Variants in MMRN1 observed in about 807,000 individuals in gnomAD.
MMRN1 encodes multimerin-1.
A neutral mutation model predicts 100.7 loss-of-function variants in MMRN1; 94 were observed. That is an observed-to-expected ratio of 0.93 (90% confidence interval 0.79 to 1.11). The LOEUF is 1.11. Ranked by LOEUF, MMRN1 falls within the 50% of genes least tolerant of loss-of-function variation. The pLI is 0.00. For missense variants in MMRN1, 1,606 were observed against 1,439.1 expected (o/e 1.12, Z -1.88); for synonymous variants, 575 against 505.0 (o/e 1.14, Z -1.86).
At chr4:89,901,281 A>G (rs937893028) in intron 1 of MMRN1, among the ~76,000 whole-genome samples, 1 of 152,046 alleles carries the variant, frequency 6.6e-6, no homozygotes, top group Admixed American at 6.6e-5. Context: ...TTAACATGTT[A>G]ATGAGAAGGG....
At chr4:89,948,299 G>A (rs929053756) in intron 6 of MMRN1, among the ~76,000 whole-genome samples, 3 of 151,828 alleles carry the variant, frequency 2.0e-5, no homozygotes, top group African/African-American at 2.4e-5. Context: ...TATTTTTATC[G>A]ATAACTTGGA....
upstream of MMRN1, chr4:89,894,732 G>GGA (rs750929332): frequency 0.029 from 12,395 of 434,862 alleles, 264 homozygotes; most frequent in Non-Finnish European, 0.038. Context: ...AGCTTTGTCA[G>GGA]AGACCCTTCA....
chr4:89,894,964 C>T lies in MMRN1; in HGVS notation c.-8C>T. ...TTCACATGAGCTACCTTGCTTCAAA[C>T]TACTGAGATGAAGGGGGCAAGATTA... On this transcript the variant is annotated 5_prime_UTR_variant, in exon 1 of 8. Coordinates refer to ENST00000264790, the MANE Select transcript of MMRN1 (RefSeq NM_007351.3). 1 of 1,600,304 alleles carries T rather than the reference C, an allele frequency of 6.2e-7. No individual in the cohort carries two copies. Among genetic ancestry groups the T allele is most frequent in the Middle Eastern group, 1.7e-4 (1 of 5,962 alleles).
intron 1 of MMRN1, among the ~76,000 whole-genome samples, chr4:89,899,690 C>T (rs1721321012): frequency 6.6e-6 from 1 of 152,036 alleles, no homozygotes; most frequent in South Asian, 2.1e-4. Context: ...TTAATTTTTA[C>T]CAAATCAGTG....
chr4:89,952,065 T>G (rs1241133395), intron 7 of MMRN1, among the ~76,000 whole-genome samples: 1 of 152,170 alleles, frequency 6.6e-6, no homozygotes, highest in Non-Finnish European at 1.5e-5. Flanking sequence ...TGTATATATC[T>G]GACTGATAGA....
chr4:89,894,841 C>T (rs1017049596), upstream of MMRN1: 2 of 1,431,368 alleles, frequency 1.4e-6, no homozygotes, highest in African/African-American at 1.4e-5. Context: ...ACACAGAAAC[C>T]TGTTTCCTCT....
Position 89,895,103 on chromosome 4 carries a change from T to A in MMRN1, c.132T>A (p.Val44=). 1 of 1,613,788 alleles carries A rather than the reference T, an allele frequency of 6.2e-7. No individual in the cohort carries two copies. The highest frequency in any genetic ancestry group is 8.5e-7 in the Non-Finnish European group (1 of 1,179,882). ...AGAAGACTATGCCTTCTGCTTCAGT[T>A]CCTCCAAATAAAATACAAAGTTTGC... is the stretch of plus-strand genomic sequence containing the variant. ...NSQKTMPSAS[V]PPNKIQSLQI... is the part of the protein sequence containing the mutation. The change falls in exon 1 of 8, where the codon GTT becomes GTA. Residue 44 remains valine (V), a synonymous_variant. Transcript: ENST00000264790.
At chr4:89,881,121 A>G (rs1052904196) in intron 1 of MMRN1, among the ~76,000 whole-genome samples, 1 of 152,058 alleles carries the variant, frequency 6.6e-6, no homozygotes, top group African/African-American at 2.4e-5. Context: ...TTCAGTGACT[A>G]ATTTCTTTAA....
intron 1 of MMRN1, among the ~76,000 whole-genome samples, chr4:89,887,956 T>C (rs753330158): frequency 1.3e-5 from 2 of 151,962 alleles, no homozygotes; most frequent in Admixed American, 6.6e-5. Context: ...TCTTCTTTAT[T>C]TCCTCCAATT....
chr4:89,901,139 A>G (rs1485467778), intron 1 of MMRN1, among the ~76,000 whole-genome samples: 1 of 148,408 alleles, frequency 6.7e-6, no homozygotes, highest in Non-Finnish European at 1.5e-5. Context: ...CAACTCAATT[A>G]AGGAGGGCTT....
At chr4:89,913,425 T>C (rs1168359751) in intron 3 of MMRN1, among the ~76,000 whole-genome samples, 1 of 151,360 alleles carries the variant, frequency 6.6e-6, no homozygotes, top group Non-Finnish European at 1.5e-5. Context: ...GGACTCTAGT[T>C]GATCAGAGCG....
At chr4:89,898,029 T>G (rs1004483276) in intron 1 of MMRN1, among the ~76,000 whole-genome samples, 4 of 152,058 alleles carry the variant, frequency 2.6e-5, no homozygotes, top group African/African-American at 9.7e-5. Flanking sequence ...GAGCCTGAGG[T>G]TTTCTTTTAG....
Position 89,934,979 on chromosome 4 carries a change from TGTGGTTTCAATAGCAG to T in MMRN1, c.1300_1315del (p.Val434ProfsTer15). The T allele has an allele frequency of 1.9e-6, 3 of 1,613,538 alleles. No individual in the cohort carries two copies. The highest frequency in any genetic ancestry group is 2.2e-5 in the South Asian group (2 of 90,986). ...AAATAATTCAAAAAGTTAATGAATC[TGTGGTTTCAATAGCAG>T]CCCAGCAAAAGTTTGTTTTGGTGCA... On this transcript the variant is annotated frameshift_variant, in exon 6 of 8. Transcript: ENST00000264790. LOFTEE classifies it high-confidence loss of function.
chr4:89,903,896 A>AG (rs1178306585), intron 1 of MMRN1, among the ~76,000 whole-genome samples: 1 of 80,172 alleles, frequency 1.2e-5, no homozygotes, highest in Non-Finnish European at 2.7e-5. Flanking sequence ...ATTCAGGATT[A>AG]GAAAAAAAAA....
chr4:89,922,228 C>T (rs930544739), intron 3 of MMRN1, among the ~76,000 whole-genome samples: 1 of 152,038 alleles, frequency 6.6e-6, no homozygotes, highest in African/African-American at 2.4e-5. Context: ...CCTCAGCCTC[C>T]CAAGTAGCTG....
At position 89,927,858 on chromosome 4, in the gene MMRN1, A is replaced by G. The variant is rs1335442649; in HGVS notation, c.1019A>G (p.Lys340Arg). The change falls in exon 5 of 8, where the codon AAG becomes AGG. Residue 340 changes from lysine (K) to arginine (R), a missense_variant. By Grantham distance (26) the Lys-to-Arg change is conservative. Transcript: ENST00000264790. ...YQAMKLTLLQKKIDNISLTVN... is the reference protein window; with the variant it reads ...YQAMKLTLLQRKIDNISLTVN... ...GCAATGAAACTGACTCTTCTGCAGA[A>G]GAAGATTGACAATATTTCTTTGACT... 6.2e-7 allele frequency: 1 copy of G among 1,612,966 alleles called. No individual in the cohort carries two copies. Among genetic ancestry groups the G allele is most frequent in the East Asian group, 2.2e-5 (1 of 44,748 alleles).
At chr4:89,914,969 AG>A (rs1423013593) in intron 3 of MMRN1, among the ~76,000 whole-genome samples, 5 of 151,632 alleles carry the variant, frequency 3.3e-5, no homozygotes, top group Non-Finnish European at 7.4e-5. Context: ...TATAGGAAAA[AG>A]GTATCTTATA....
chr4:89,905,014 A>G (rs918063818), intron 1 of MMRN1, among the ~76,000 whole-genome samples: 1 of 151,456 alleles, frequency 6.6e-6, no homozygotes, highest in Non-Finnish European at 1.5e-5. Flanking sequence ...TTAAAAAGAG[A>G]GGGGGGGAAT....
intron 6 of MMRN1, among the ~76,000 whole-genome samples, chr4:89,939,927 T>C (rs1196018014): frequency 6.6e-6 from 1 of 152,162 alleles, no homozygotes; most frequent in Admixed American, 6.6e-5. Flanking sequence ...CACCATCAGA[T>C]AGTCACAAGA....
Sources: allele counts gnomAD v4.1 joint callset (sites outside exome capture counted in the v4.1 genomes callset), GRCh38; gene constraint gnomAD v4.1.1; transcripts MANE v1.5; gene names NCBI Gene and HGNC (gene_info 2026-07-23, HGNC 2026-07-21).